PEX14: variants seen among roughly 807,000 people sequenced by gnomAD.
PEX14 encodes peroxisomal biogenesis factor 14.
PEX14 carries 15 observed loss-of-function variants against 49.5 expected under a neutral mutation model. The ratio of observed to expected loss-of-function variants is 0.30; its 90% CI spans 0.20 to 0.47. The LOEUF is 0.47. Ranked by LOEUF, PEX14 falls within the 20% of genes least tolerant of loss-of-function variation. PEX14 has a pLI of 1.00. For missense variants in PEX14, 398 were observed against 494.8 expected (o/e 0.80, Z 1.86); for synonymous variants, 210 against 212.7 (o/e 0.99, Z 0.11).
At chr1:10,535,915 G>C in intron 2 of PEX14, 1 of 401,958 alleles carries the variant, frequency 2.5e-6, no homozygotes, top group East Asian at 5.7e-5. Flanking sequence ...ACACCTGCCG[G>C]GGAGTATGAA....
Position 10,495,085 on chromosome 1 carries a change from T to C in PEX14, c.37-189T>C, listed in dbSNP as rs1250489991. On this transcript the variant is annotated intron_variant, in intron 1 of 8. Coordinates refer to ENST00000356607, the MANE Select transcript of PEX14 (RefSeq NM_004565.3). This position sits in a 1 kb window ranked among gnomAD's most constrained non-coding sequence, Gnocchi z 4.2. ...CAGAAACAGTCTTCATCTTCCCTGG[T>C]GAATTCAGACTCTTTGGGCTACTTT... The C allele has an allele frequency of 2.0e-6, 2 of 984,030 alleles. No homozygotes were observed. The highest frequency in any genetic ancestry group is 1.2e-6 in the Non-Finnish European group (1 of 828,782). 61.0% of individuals were successfully genotyped at this position (984,030 alleles called of 1,614,324 possible).
At position 10,480,843 on chromosome 1, in the gene PEX14, C is replaced by T. The variant is rs568713909; in HGVS notation, c.36+5841C>T. Among the ~76,000 whole-genome samples the T allele has an allele frequency of 5.2e-3, 426 of 81,214 alleles. 2 individuals are homozygous for T. The highest frequency in any genetic ancestry group is 0.028 in the African/African-American group (402 of 14,236). 53.3% of individuals were successfully genotyped at this position (81,214 alleles called of 152,430 possible). ...TTTATGTCAGTCTCTCTCTCTCTTT[C>T]TCTCTCTCTCTCTCTCTATATATAT... On this transcript the variant is annotated intron_variant, in intron 1 of 8. Transcript: ENST00000356607.
intron 3 of PEX14, among the ~76,000 whole-genome samples, chr1:10,558,260 G>A (rs1039364357): frequency 2.6e-5 from 4 of 151,786 alleles, no homozygotes; most frequent in African/African-American, 9.7e-5. Context: ...CGCCCACCTC[G>A]GCTTCCCAAA....
intron 1 of PEX14, among the ~76,000 whole-genome samples, chr1:10,479,844 CCT>C (rs1288760846): frequency 1.3e-5 from 2 of 152,002 alleles, no homozygotes; most frequent in Non-Finnish European, 2.9e-5. Flanking sequence ...TAATAGTTAC[CCT>C]TAAAGCTGGG....
At chr1:10,602,992 G>A (rs2124608742) in intron 4 of PEX14, among the ~76,000 whole-genome samples, 1 of 152,318 alleles carries the variant, frequency 6.6e-6, no homozygotes. Flanking sequence ...AGGTCTCAGG[G>A]TAGGGTAGCT....
At chr1:10,559,143 A>G (rs574166655) in intron 3 of PEX14, among the ~76,000 whole-genome samples, 1 of 152,194 alleles carries the variant, frequency 6.6e-6, no homozygotes, top group South Asian at 2.1e-4. Context: ...CTTTATTATT[A>G]TTATTTTGAC....
At chr1:10,477,105 G>C (rs1641208906) in intron 1 of PEX14, among the ~76,000 whole-genome samples, 2 of 150,246 alleles carry the variant, frequency 1.3e-5, no homozygotes, top group South Asian at 4.2e-4. Context: ...GAGTCTCGCT[G>C]TGTCACCCAG....
At chr1:10,567,567 C>T (rs1012521230) in intron 3 of PEX14, among the ~76,000 whole-genome samples, 1 of 152,106 alleles carries the variant, frequency 6.6e-6, no homozygotes, top group African/African-American at 2.4e-5. Context: ...GATCTCGGCT[C>T]ACTGCACCCT....
intron 7 of PEX14, among the ~76,000 whole-genome samples, chr1:10,626,180 A>G (rs1481925482): frequency 6.6e-6 from 1 of 152,244 alleles, no homozygotes; most frequent in Non-Finnish European, 1.5e-5. Context: ...CCCAGATGTC[A>G]GATTTTATTT....
chr1:10,601,418 G>GGTGT (rs1187204867), intron 4 of PEX14, among the ~76,000 whole-genome samples: 4 of 152,202 alleles, frequency 2.6e-5, no homozygotes, highest in Non-Finnish European at 4.4e-5. Flanking sequence ...CAGCTAGGCA[G>GGTGT]GTGTGATCTT....
At chr1:10,586,944 C>T (rs1557860198) in intron 3 of PEX14, among the ~76,000 whole-genome samples, 1 of 151,860 alleles carries the variant, frequency 6.6e-6, no homozygotes, top group Non-Finnish European at 1.5e-5. Context: ...TATTATCCCA[C>T]ATATATAAAA....
chr1:10,487,032 C>T (rs1392051376), intron 1 of PEX14, among the ~76,000 whole-genome samples: 2 of 151,912 alleles, frequency 1.3e-5, no homozygotes, highest in Non-Finnish European at 2.9e-5. Flanking sequence ...TGAATGTTGT[C>T]AGGTGCTCTT....
chr1:10,500,275 A>G (rs1641649072), intron 2 of PEX14, among the ~76,000 whole-genome samples: 1 of 141,446 alleles, frequency 7.1e-6, no homozygotes, highest in South Asian at 2.5e-4. Context: ...GTGTAGTGGC[A>G]GGTACCTATA....
At chr1:10,585,301 T>C (rs930503304) in intron 3 of PEX14, among the ~76,000 whole-genome samples, 3 of 152,078 alleles carry the variant, frequency 2.0e-5, no homozygotes, top group Non-Finnish European at 4.4e-5. Flanking sequence ...CCACCTTGAC[T>C]ACAAGGTAAT....
intron 3 of PEX14, among the ~76,000 whole-genome samples, chr1:10,575,079 A>C (rs1640083379): frequency 6.6e-6 from 1 of 152,056 alleles, no homozygotes. Flanking sequence ...TTAAATAAAA[A>C]AAAAAAAGGA....
intron 3 of PEX14, among the ~76,000 whole-genome samples, chr1:10,556,940 C>A (rs868223438): frequency 1.4e-4 from 21 of 152,178 alleles, no homozygotes; most frequent in African/African-American, 5.1e-4. Flanking sequence ...AATCTGGAAG[C>A]TGAGGTTAGA....
intron 3 of PEX14, among the ~76,000 whole-genome samples, chr1:10,585,020 C>T (rs895201112): frequency 2.0e-5 from 3 of 152,092 alleles, no homozygotes; most frequent in African/African-American, 7.2e-5. Context: ...AGTAAAATTT[C>T]TCATTTATAT....
intron 2 of PEX14, among the ~76,000 whole-genome samples, chr1:10,533,004 G>A (rs950174921): frequency 1.3e-5 from 2 of 152,130 alleles, no homozygotes; most frequent in Non-Finnish European, 2.9e-5. Context: ...GAATCATGGG[G>A]CTATAAAATT....
At chr1:10,531,098 C>T (rs1204045393) in intron 2 of PEX14, among the ~76,000 whole-genome samples, 5 of 152,070 alleles carry the variant, frequency 3.3e-5, no homozygotes, top group African/African-American at 1.2e-4. Context: ...AGAGAGGAGC[C>T]TGCATGTAGA....
Sources: allele counts gnomAD v4.1 joint callset (sites outside exome capture counted in the v4.1 genomes callset), GRCh38; gene constraint gnomAD v4.1.1; non-coding constraint Gnocchi (gnomAD v3.1); transcripts MANE v1.5; gene names NCBI Gene and HGNC (gene_info 2026-07-23, HGNC 2026-07-21).